The following UNC5D variants were observed in gnomAD, a reference collection of about 807,000 sequenced individuals.
The protein encoded by UNC5D is netrin receptor UNC5D.
A neutral mutation model predicts 105.4 loss-of-function variants in UNC5D; 39 were observed. The ratio of observed to expected loss-of-function variants is 0.37; its 90% CI spans 0.29 to 0.48. UNC5D has a LOEUF of 0.48. Among genes scored for constraint, UNC5D ranks in the 20% least tolerant of loss-of-function variants. UNC5D has a pLI of 0.98. For missense variants in UNC5D, 991 were observed against 1,202.4 expected, an observed-to-expected ratio of 0.82 and a Z score of 2.60; for synonymous variants, 452 against 450.4, an observed-to-expected ratio of 1.00 and a Z score of -0.04.
At chr8:35,651,592 T>C (rs540415723) in intron 4 of UNC5D, among the ~76,000 whole-genome samples, 47 of 152,340 alleles carry the variant, frequency 3.1e-4, no homozygotes, top group African/African-American at 1.1e-3. Context: ...AATAAAACCC[T>C]GCTGGGTGAA....
intron 1 of UNC5D, among the ~76,000 whole-genome samples, chr8:35,326,352 C>T (rs553280040): frequency 2.6e-5 from 4 of 152,174 alleles, no homozygotes; most frequent in East Asian, 1.9e-4. Context: ...GGTCAAAGCA[C>T]GTGGTTGGAA....
At chr8:35,484,828 A>G (rs1810724798) in intron 1 of UNC5D, among the ~76,000 whole-genome samples, 1 of 152,164 alleles carries the variant, frequency 6.6e-6, no homozygotes, top group African/African-American at 2.4e-5. Flanking sequence ...TGGAGATGGC[A>G]TTGTTATCAC....
chr8:35,235,533 G>A lies in UNC5D; in HGVS notation c.-252G>A. ...TGGGAACTGCGCGGCGGGGACTGCG[G>A]GCGACTCCGGCATCCGCGCTGGCGG... On this transcript the variant is annotated 5_prime_UTR_variant, in exon 1 of 17. Transcript: ENST00000404895. 1 of 346,556 alleles carries A rather than the reference G, an allele frequency of 2.9e-6. No individual in the cohort carries two copies. Among genetic ancestry groups the A allele is most frequent in the Non-Finnish European group, 5.2e-6 (1 of 193,306 alleles). 21.5% of individuals were successfully genotyped at this position (346,556 alleles called of 1,614,324 possible). A position where few individuals can be genotyped will look rare whatever the true frequency, so the allele number is the denominator to read the frequency against.
At chr8:35,512,569 A>ATATATATATATATATATCTCTC (rs539399345) in intron 1 of UNC5D, among the ~76,000 whole-genome samples, 1 of 64,840 alleles carries the variant, frequency 1.5e-5, no homozygotes, top group South Asian at 6.0e-4. Context: ...ATATATATAT[A>ATATATATATATATATATCTCTC]TCTGAATAGA....
chr8:35,442,395 G>C (rs1278986253), intron 1 of UNC5D, among the ~76,000 whole-genome samples: 4 of 151,880 alleles, frequency 2.6e-5, no homozygotes, highest in Non-Finnish European at 5.9e-5. Flanking sequence ...ATGTATGAAA[G>C]ATTGATTGTG....
chr8:35,686,672 G>A lies in UNC5D; in HGVS notation c.1047G>A (p.Gln349=). ...NGGKFCEGLS[Q]ESENCTDGLC... ...GCAAATTCTGTGAAGGTCTAAGCCA[G>A]GAATCTGAAAACTGCACAGATGGTC... is the stretch of plus-strand genomic sequence containing the variant. Residue 349 remains glutamine (Q), a synonymous_variant, in exon 7 of 17, where the codon CAG becomes CAA. Transcript: ENST00000404895. 2 of 1,603,676 alleles carry A rather than the reference G, an allele frequency of 1.2e-6. No homozygotes were observed. The highest frequency in any genetic ancestry group is 1.7e-6 in the Non-Finnish European group (2 of 1,176,928).
chr8:35,273,738 C>G (rs555625505), intron 1 of UNC5D, among the ~76,000 whole-genome samples: 3 of 152,184 alleles, frequency 2.0e-5, no homozygotes, highest in Non-Finnish European at 1.5e-5. Flanking sequence ...ATTCTTGCCA[C>G]TTGACCGATG....
chr8:35,609,517 C>T (rs1423087550), intron 4 of UNC5D, among the ~76,000 whole-genome samples: 2 of 152,182 alleles, frequency 1.3e-5, no homozygotes, highest in Admixed American at 1.3e-4. Flanking sequence ...TCATACCCTT[C>T]CACAGTCGTG....
In UNC5D at chr8:35,796,486, C is replaced by T. The variant is rs1803264030; in HGVS notation, c.*5923C>T. ...TTGCAGACTTTTCAAGATAAATGTA[C>T]AGACGTAAATTACTGCATATCAGTT... On this transcript the variant is annotated 3_prime_UTR_variant, in exon 17 of 17. Coordinates refer to ENST00000404895, the MANE Select transcript of UNC5D (RefSeq NM_080872.4). 7.5e-6 allele frequency: 1 copy of T among 133,524 alleles called. No individual in the cohort carries two copies. Among genetic ancestry groups the T allele is most frequent in the Non-Finnish European group, 1.6e-5 (1 of 63,588 alleles). 8.3% of individuals were successfully genotyped at this position (133,524 alleles called of 1,614,324 possible).
At chr8:35,268,287 C>CA (rs36118994) in intron 1 of UNC5D, among the ~76,000 whole-genome samples, 134,223 of 151,810 alleles carry the variant, frequency 0.88, 59,458 homozygotes, top group East Asian at 1. Flanking sequence ...ATGAAACTAA[C>CA]AAAAAAACCT....
chr8:35,539,151 T>C (rs1458016627), intron 1 of UNC5D, among the ~76,000 whole-genome samples: 1 of 152,172 alleles, frequency 6.6e-6, no homozygotes, highest in East Asian at 1.9e-4. Flanking sequence ...ATGTGTGTTC[T>C]ATGTATACAA....
rs569543219 is a variant in UNC5D, at chr8:35,447,496, G to A, written c.104-101796G>A. Among the ~76,000 whole-genome samples the A allele has an allele frequency of 2.0e-5, 3 of 152,112 alleles. No homozygotes were observed. The South Asian group carries it at 6.2e-4, about 32-fold the overall frequency. Reference sequence around the variant, plus strand: ...TAGGTTTCAGTCCTTCTACTGACATGCATTACCTTTTTTCCTTCAATTCAT... The same window carrying A: ...TAGGTTTCAGTCCTTCTACTGACATACATTACCTTTTTTCCTTCAATTCAT... On this transcript the variant is annotated intron_variant, in intron 1 of 16. Coordinates refer to ENST00000404895, the MANE Select transcript of UNC5D (RefSeq NM_080872.4).
chr8:35,790,336 T>C, intron 16 of UNC5D, 23 bp from the exon 17 acceptor site: 1 of 1,610,466 alleles, frequency 6.2e-7, no homozygotes. Flanking sequence ...TTTTGTTCTT[T>C]GTGTTTAACT....
At chr8:35,394,962 A>C (rs1408837784) in intron 1 of UNC5D, among the ~76,000 whole-genome samples, 1 of 152,182 alleles carries the variant, frequency 6.6e-6, no homozygotes. Flanking sequence ...CACCTAATAC[A>C]TTTGTTGGAT....
At chr8:35,661,645 G>A (rs1586363009) in intron 4 of UNC5D, among the ~76,000 whole-genome samples, 1 of 152,250 alleles carries the variant, frequency 6.6e-6, no homozygotes, top group East Asian at 1.9e-4. Flanking sequence ...GAAAGATGAA[G>A]AGTCCTGGGC....
At chr8:35,551,401 C>T (rs187813500) in intron 2 of UNC5D, among the ~76,000 whole-genome samples, 51 of 152,144 alleles carry the variant, frequency 3.4e-4, no homozygotes, top group African/African-American at 1.1e-3. Flanking sequence ...TAGGAAAGAA[C>T]GAAGCCATGT....
chr8:35,422,174 T>C (rs1171340754), intron 1 of UNC5D, among the ~76,000 whole-genome samples: 1 of 152,188 alleles, frequency 6.6e-6, no homozygotes, highest in Non-Finnish European at 1.5e-5. Context: ...CCGGTTGCAA[T>C]ATGGCCCCTT....
intron 1 of UNC5D, among the ~76,000 whole-genome samples, chr8:35,316,898 T>A (rs1363287058): frequency 6.6e-6 from 1 of 152,120 alleles, no homozygotes; most frequent in Non-Finnish European, 1.5e-5. Context: ...TATTTAATCG[T>A]CGAAAGCAAC....
At chr8:35,572,392 G>A (rs146296568) in intron 3 of UNC5D, among the ~76,000 whole-genome samples, 146 of 151,524 alleles carry the variant, frequency 9.6e-4, no homozygotes, top group African/African-American at 4.1e-4. Context: ...CCATTGACAC[G>A]TAGGGTCTTG....
Sources: gnomAD v4.1 joint callset for allele counts (sites outside exome capture counted in the v4.1 genomes callset) on GRCh38, gnomAD v4.1.1 for gene constraint, MANE v1.5 for transcripts, NCBI Gene and HGNC (gene_info 2026-07-23, HGNC 2026-07-21) for gene names.